Variants in KCNN3 observed in about 807,000 individuals in gnomAD.
The protein encoded by KCNN3 is small conductance calcium-activated potassium channel protein 3.
A neutral mutation model predicts 62.9 loss-of-function variants in KCNN3; 16 were observed. The ratio of observed to expected loss-of-function variants is 0.25; its 90% CI spans 0.17 to 0.39. KCNN3 has a LOEUF of 0.39. KCNN3 is among the 10% of genes least tolerant of loss of function. KCNN3 has a pLI of 1.00. For synonymous variants in KCNN3, 370 were observed against 389.2 expected, an observed-to-expected ratio of 0.95 and a Z score of 0.58; for missense variants, 599 against 949.4, an observed-to-expected ratio of 0.63 and a Z score of 4.85.
intron 5 of KCNN3, among the ~76,000 whole-genome samples, chr1:154,721,649 C>G (rs1175088855): frequency 6.6e-6 from 1 of 152,002 alleles, no homozygotes; most frequent in East Asian, 1.9e-4. Context: ...AGTCAGCCAC[C>G]AGAGGTTAGG....
intron 1 of KCNN3, among the ~76,000 whole-genome samples, chr1:154,839,344 C>T (rs1378856532): frequency 2.0e-5 from 3 of 152,166 alleles, no homozygotes; most frequent in African/African-American, 7.2e-5. Flanking sequence ...CACTGAGCCT[C>T]CAGGAGACCC....
Position 154,780,194 on chromosome 1 carries a change from C to CTT in KCNN3, c.1030-7803_1030-7802dup, listed in dbSNP as rs71077969. ...GGAAGCTTGCCTTTTTTCTTTTTTTCTTTTTTTTTTTTTTTTTTTTTTTTT... is the reference window on the plus strand; with the variant it reads ...GGAAGCTTGCCTTTTTTCTTTTTTTCTTTTTTTTTTTTTTTTTTTTTTTTTTT... On this transcript the variant is annotated intron_variant, in intron 2 of 7. Transcript: ENST00000271915. Among the ~76,000 whole-genome samples the CTT allele has an allele frequency of 8.7e-3, 890 of 101,994 alleles. 18 individuals are homozygous for CTT. The highest frequency in any genetic ancestry group is 0.022 in the African/African-American group (569 of 25,436). The allele number at this position is 101,994 out of a possible 152,430, so 66.9% of individuals were successfully genotyped here.
At chr1:154,757,496 A>T (rs1198282625) in intron 3 of KCNN3, among the ~76,000 whole-genome samples, 2 of 152,202 alleles carry the variant, frequency 1.3e-5, no homozygotes, top group Admixed American at 1.3e-4. Flanking sequence ...TTAACAATAG[A>T]GCATGGGGCT....
chr1:154,717,662 G>T (rs1158061498), intron 5 of KCNN3, among the ~76,000 whole-genome samples: 1 of 151,754 alleles, frequency 6.6e-6, no homozygotes, highest in East Asian at 1.9e-4. Context: ...GTCACAGCAC[G>T]GCCCGGGTAG....
chr1:154,725,629 C>T (rs1272877210), intron 5 of KCNN3, among the ~76,000 whole-genome samples: 1 of 151,658 alleles, frequency 6.6e-6, no homozygotes, highest in Non-Finnish European at 1.5e-5. Context: ...CTGCAACCTC[C>T]GCCTCCCAGG....
At chr1:154,742,575 C>T (rs751806440) in intron 3 of KCNN3, among the ~76,000 whole-genome samples, 4 of 152,336 alleles carry the variant, frequency 2.6e-5, no homozygotes, top group African/African-American at 7.2e-5. Flanking sequence ...ATTTTCATCT[C>T]GTGTGTCTAT....
At position 154,721,301 on chromosome 1, in the gene KCNN3, C is replaced by CTT. The variant is rs34172435; in HGVS notation, c.1701+4613_1701+4614dup. Reference sequence around the variant, plus strand: ...TCTGCCTTTTTTTTCTTTTTCTTTCCTTTTTTTTTTTTTTTTGAGATGGAG... The same window carrying CTT: ...TCTGCCTTTTTTTTCTTTTTCTTTCCTTTTTTTTTTTTTTTTTTGAGATGGAG... On this transcript the variant is annotated intron_variant, in intron 5 of 7. Coordinates refer to ENST00000271915, the MANE Select transcript of KCNN3 (RefSeq NM_002249.6). 3.9e-4 allele frequency among the ~76,000 whole-genome samples: 46 copies of CTT among 117,950 alleles called. 1 individual carries two copies. The highest frequency in any genetic ancestry group is 4.1e-3 in the Middle Eastern group (1 of 242). 77.4% of individuals were successfully genotyped at this position (117,950 alleles called of 152,430 possible). A position where few individuals can be genotyped will look rare whatever the true frequency, so the allele number is the denominator to read the frequency against.
At chr1:154,715,449 A>AT (rs1367206936) in intron 5 of KCNN3, among the ~76,000 whole-genome samples, 1 of 151,278 alleles carries the variant, frequency 6.6e-6, no homozygotes, top group East Asian at 1.9e-4. Flanking sequence ...AAAAAAAAAA[A>AT]AGGAAAAAAA....
chr1:154,786,298 G>GA (rs1296682877), intron 2 of KCNN3, among the ~76,000 whole-genome samples: 1 of 152,156 alleles, frequency 6.6e-6, no homozygotes, highest in Non-Finnish European at 1.5e-5. Context: ...TAAGGCAAAA[G>GA]AGTCTTTTGT....
At chr1:154,847,680 C>T (rs1037295875) in intron 1 of KCNN3, among the ~76,000 whole-genome samples, 2 of 152,218 alleles carry the variant, frequency 1.3e-5, no homozygotes, top group African/African-American at 4.8e-5. Context: ...CAACTGCTTC[C>T]CAAGTCTTCA....
Position 154,869,800 on chromosome 1 carries a change from C to T in KCNN3, c.165G>A (p.Leu55=), listed in dbSNP as rs1571354576. ...PAPPAAPQQP[L]GPSLQPQPPQ... is the part of the protein sequence containing the mutation. ...GAGGCTGAGGCTGCAGCGAGGGTCC[C>T]AGGGGCTGCTGGGGGGCTGCTGGTG... Residue 55 remains leucine (L), a synonymous_variant, in exon 1 of 8, where the codon CTG becomes CTA. Coordinates refer to ENST00000271915, the MANE Select transcript of KCNN3 (RefSeq NM_002249.6). This position sits in a 1 kb window ranked among gnomAD's most constrained non-coding sequence, Gnocchi z 6.1. 6.6e-7 allele frequency: 1 copy of T among 1,513,976 alleles called. No homozygotes were observed. The allele number at this position is 1,513,976 out of a possible 1,614,324, so 93.8% of individuals were successfully genotyped here.
intron 3 of KCNN3, among the ~76,000 whole-genome samples, chr1:154,748,335 C>T (rs1700985399): frequency 6.6e-6 from 1 of 152,222 alleles, no homozygotes; most frequent in Non-Finnish European, 1.5e-5. Flanking sequence ...TTCCCGACAT[C>T]TGCCATCAGT....
chr1:154,868,253 G>GT, intron 1 of KCNN3: 1 of 985,674 alleles, frequency 1.0e-6, no homozygotes, highest in Non-Finnish European at 1.2e-6. Flanking sequence ...CTCTGCCCAG[G>GT]TAACACCTGT....
intron 1 of KCNN3, among the ~76,000 whole-genome samples, chr1:154,842,934 A>C (rs1176694356): frequency 6.6e-6 from 1 of 152,160 alleles, no homozygotes; most frequent in Non-Finnish European, 1.5e-5. Context: ...ACTCATCTAT[A>C]AAATGGGGCA....
intron 1 of KCNN3, among the ~76,000 whole-genome samples, chr1:154,868,794 G>T (rs1368567274): frequency 6.6e-6 from 1 of 151,970 alleles, no homozygotes; most frequent in African/African-American, 2.4e-5. Flanking sequence ...ATTCTCCCGG[G>T]ATCAAGAAGG....
intron 3 of KCNN3, among the ~76,000 whole-genome samples, chr1:154,752,778 T>TG (rs1212912027): frequency 6.6e-6 from 1 of 152,126 alleles, no homozygotes; most frequent in Non-Finnish European, 1.5e-5. Flanking sequence ...CACACTATGG[T>TG]GGGGGAGTTA....
At chr1:154,757,651 C>G (rs895969175) in intron 3 of KCNN3, among the ~76,000 whole-genome samples, 1 of 152,032 alleles carries the variant, frequency 6.6e-6, no homozygotes, top group Non-Finnish European at 1.5e-5. Context: ...AAAATAATGC[C>G]GAGGAAATGG....
At chr1:154,796,859 T>A (rs2101869153) in intron 2 of KCNN3, among the ~76,000 whole-genome samples, 2 of 152,320 alleles carry the variant, frequency 1.3e-5, no homozygotes, top group East Asian at 3.9e-4. Flanking sequence ...CTTGTTTTCT[T>A]GAGGAATGAA....
At chr1:154,790,897 T>C (rs1016979261) in intron 2 of KCNN3, among the ~76,000 whole-genome samples, 1 of 152,198 alleles carries the variant, frequency 6.6e-6, no homozygotes, top group African/African-American at 2.4e-5. Flanking sequence ...CACATCAATA[T>C]GAGTAAACAT....
Sources: allele counts gnomAD v4.1 joint callset (sites outside exome capture counted in the v4.1 genomes callset), GRCh38; gene constraint gnomAD v4.1.1; non-coding constraint Gnocchi (gnomAD v3.1); transcripts MANE v1.5; gene names NCBI Gene and HGNC (gene_info 2026-07-23, HGNC 2026-07-21).